Variants in CDH13 observed in about 807,000 individuals in gnomAD.
The protein encoded by CDH13 is cadherin-13.
Under a neutral mutation model 63.8 loss-of-function variants are expected in CDH13, and 24 were observed. That is an observed-to-expected ratio of 0.38 (90% CI 0.27 to 0.53). The LOEUF (loss-of-function observed/expected upper bound fraction) is 0.53. Ranked by LOEUF, CDH13 falls within the 20% of genes least tolerant of loss-of-function variation. The probability of loss-of-function intolerance (pLI) is 0.85; values close to 1 mark genes in which losing one functional copy is unlikely to be tolerated. For synonymous variants in CDH13, 503 were observed against 355.3 expected (o/e 1.42, Z -4.67); for missense variants, 1,049 against 903.1 (o/e 1.16, Z -2.07).
At chr16:83,279,070 T>C (rs963771552) in intron 5 of CDH13, among the ~76,000 whole-genome samples, 11 of 152,176 alleles carry the variant, frequency 7.2e-5, no homozygotes, top group South Asian at 2.1e-4. Flanking sequence ...ACTACTTTTG[T>C]GCAGGTTCGT....
At chr16:83,499,856 G>A (rs904972068) in intron 7 of CDH13, among the ~76,000 whole-genome samples, 1 of 151,912 alleles carries the variant, frequency 6.6e-6, no homozygotes, top group East Asian at 1.9e-4. Flanking sequence ...AAGCTGTAGT[G>A]CAATGGCACG....
At chr16:83,582,494 G>T (rs1404238256) in intron 7 of CDH13, among the ~76,000 whole-genome samples, 1 of 152,084 alleles carries the variant, frequency 6.6e-6, no homozygotes, top group African/African-American at 2.4e-5. Context: ...AGAAAAAAAA[G>T]TAAAAGATGT....
intron 10 of CDH13, among the ~76,000 whole-genome samples, chr16:83,738,257 G>A (rs432307): frequency 2.8e-4 from 43 of 151,956 alleles, no homozygotes; most frequent in African/African-American, 9.7e-4. Context: ...AACACCAAGC[G>A]CGGTGCCTGG....
chr16:83,476,664 G>C (rs915448418), intron 6 of CDH13, among the ~76,000 whole-genome samples: 5 of 152,102 alleles, frequency 3.3e-5, no homozygotes, highest in African/African-American at 1.2e-4. Context: ...CAGTGACAAA[G>C]CGAGACTGTC....
intron 7 of CDH13, among the ~76,000 whole-genome samples, chr16:83,553,683 A>C (rs1056682815): frequency 1.2e-4 from 19 of 152,142 alleles, no homozygotes; most frequent in Admixed American, 5.2e-4. Flanking sequence ...CAGCCTCCCA[A>C]GTAGTTGGGA....
chr16:83,309,627 G>A (rs1411396896), intron 5 of CDH13, among the ~76,000 whole-genome samples: 1 of 151,934 alleles, frequency 6.6e-6, no homozygotes, highest in Non-Finnish European at 1.5e-5. Context: ...CACCCACCTT[G>A]GCCTCCCCAA....
intron 1 of CDH13, among the ~76,000 whole-genome samples, chr16:82,809,882 G>A (rs2037355044): frequency 6.6e-6 from 1 of 152,084 alleles, no homozygotes; most frequent in East Asian, 1.9e-4. Context: ...GCCTTCTCAA[G>A]ATACATATAA....
At chr16:83,536,987 G>T (rs1262910798) in intron 7 of CDH13, among the ~76,000 whole-genome samples, 1 of 152,178 alleles carries the variant, frequency 6.6e-6, no homozygotes, top group African/African-American at 2.4e-5. Flanking sequence ...CAGAAGCCTG[G>T]CTCATTTGCT....
intron 3 of CDH13, among the ~76,000 whole-genome samples, chr16:83,110,574 C>T (rs867121871): frequency 6.6e-6 from 1 of 152,174 alleles, no homozygotes; most frequent in Non-Finnish European, 1.5e-5. Context: ...GATCATGCTG[C>T]TACATACTTG....
At chr16:82,703,289 C>T (rs894743183) in intron 1 of CDH13, among the ~76,000 whole-genome samples, 2 of 152,092 alleles carry the variant, frequency 1.3e-5, no homozygotes, top group Non-Finnish European at 2.9e-5. Context: ...CAGTGCCCTA[C>T]TTATGTTCCG....
At chr16:82,878,552 CG>C (rs2040583659) in intron 2 of CDH13, among the ~76,000 whole-genome samples, 1 of 113,184 alleles carries the variant, frequency 8.8e-6, no homozygotes, top group Non-Finnish European at 1.8e-5. Flanking sequence ...GAGTTGAGAA[CG>C]GGGAGATTTA....
chr16:83,180,208 C>T (rs112025030), intron 4 of CDH13, among the ~76,000 whole-genome samples: 4 of 152,016 alleles, frequency 2.6e-5, no homozygotes, highest in African/African-American at 9.6e-5. Flanking sequence ...CATCACATAG[C>T]CCTAAATCAA....
chr16:82,694,482 G>C (rs753067785), intron 1 of CDH13, among the ~76,000 whole-genome samples: 1 of 152,144 alleles, frequency 6.6e-6, no homozygotes, highest in Non-Finnish European at 1.5e-5. Flanking sequence ...GCAGGCATGA[G>C]AAGGAGGCTG....
intron 1 of CDH13, among the ~76,000 whole-genome samples, chr16:82,796,988 C>G (rs1321358862): frequency 6.6e-6 from 1 of 152,216 alleles, no homozygotes; most frequent in African/African-American, 2.4e-5. Context: ...ATCCTATCAA[C>G]TTTTTCTTCT....
intron 8 of CDH13, among the ~76,000 whole-genome samples, chr16:83,627,684 G>A (rs1910435455): frequency 6.6e-6 from 1 of 152,110 alleles, no homozygotes; most frequent in Non-Finnish European, 1.5e-5. Context: ...CCAAGTAGCT[G>A]GGGTTATAGG....
chr16:83,552,083 C>T (rs1289459911), intron 7 of CDH13, among the ~76,000 whole-genome samples: 2 of 152,208 alleles, frequency 1.3e-5, no homozygotes, highest in African/African-American at 2.4e-5. Context: ...AGCAACTCCA[C>T]CACCTCCCAC....
intron 4 of CDH13, among the ~76,000 whole-genome samples, chr16:83,160,887 A>G (rs974824725): frequency 9.2e-5 from 14 of 152,192 alleles, no homozygotes; most frequent in African/African-American, 3.1e-4. Context: ...CTGGGATGTT[A>G]TGTCTAATTC....
At chr16:83,139,950 C>A (rs1027386070) in intron 4 of CDH13, among the ~76,000 whole-genome samples, 1 of 152,114 alleles carries the variant, frequency 6.6e-6, no homozygotes, top group African/African-American at 2.4e-5. Flanking sequence ...TGTGGTGAGC[C>A]AAGATCATAC....
intron 2 of CDH13, among the ~76,000 whole-genome samples, chr16:82,900,191 C>G (rs1310360007): frequency 4.6e-5 from 7 of 152,200 alleles, no homozygotes; most frequent in African/African-American, 2.4e-5. Context: ...CATCTTTATT[C>G]CTGGTGGACA....
Sources: gnomAD v4.1 joint callset for allele counts (sites outside exome capture counted in the v4.1 genomes callset) on GRCh38, gnomAD v4.1.1 for gene constraint, MANE v1.5 for transcripts, NCBI Gene and HGNC (gene_info 2026-07-23, HGNC 2026-07-21) for gene names.